Variants in SUMF1 observed in about 807,000 individuals in gnomAD.
SUMF1 encodes formylglycine-generating enzyme.
Under a neutral mutation model 47.6 loss-of-function variants are expected in SUMF1, and 48 were observed. The observed-to-expected ratio is 1.01, with a 90% CI of 0.80 to 1.28. SUMF1 has a LOEUF of 1.28. Ranked by LOEUF, SUMF1 falls within the 50% of genes most tolerant of loss-of-function variation. The pLI is 0.00. For synonymous variants in SUMF1, 230 were observed against 192.1 expected (o/e 1.20, Z -1.63); for missense variants, 571 against 485.4 (o/e 1.18, Z -1.66).
intron 8 of SUMF1, among the ~76,000 whole-genome samples, chr3:4,079,928 A>T (rs772141381): frequency 4.6e-5 from 7 of 151,718 alleles, no homozygotes; most frequent in Non-Finnish European, 1.0e-4. Flanking sequence ...AGGAAACATA[A>T]TAATCTTCTT....
chr3:4,305,288 G>T lies in SUMF1; in HGVS notation c.1014+71042C>A, dbSNP rs148276332. On this transcript the variant is annotated intron_variant and NMD_transcript_variant, in intron 8 of 12. Coordinates refer to the SUMF1 transcript ENST00000448413. ...TTTAGTAGAGACAGGGTTTTACCATGTTGCCCAGGCTGGTCTCAAACTCCT... is the reference window on the plus strand; with the variant it reads ...TTTAGTAGAGACAGGGTTTTACCATTTTGCCCAGGCTGGTCTCAAACTCCT... Among the ~76,000 whole-genome samples, 1,163 of 152,206 alleles carry T rather than the reference G, an allele frequency of 7.6e-3. 18 individuals are homozygous for T. The highest frequency in any genetic ancestry group is 0.026 in the African/African-American group (1,093 of 41,520).
chr3:4,108,056 G>A lies in SUMF1; in HGVS notation c.1015-39311C>T, dbSNP rs138669266. ...ATAGGGGAATAAACTATAGTATATC[G>A]AAGGCTAGAACAGTGTTTTTCAAAC... On this transcript the variant is annotated intron_variant and NMD_transcript_variant, in intron 8 of 12. Coordinates refer to the SUMF1 transcript ENST00000448413. 3.1e-3 allele frequency among the ~76,000 whole-genome samples: 479 copies of A among 152,178 alleles called. 9 individuals are homozygous for A. Among genetic ancestry groups the A allele is most frequent in the Middle Eastern group, 0.014 (4 of 294 alleles).
At chr3:4,102,785 T>G (rs1693065477) in intron 8 of SUMF1, among the ~76,000 whole-genome samples, 1 of 151,758 alleles carries the variant, frequency 6.6e-6, no homozygotes, top group Non-Finnish European at 1.5e-5. Flanking sequence ...TAATGTAGCT[T>G]ACTTGATAGG....
At chr3:4,464,606 G>C (rs2079895439) in intron 1 of SUMF1, among the ~76,000 whole-genome samples, 1 of 152,136 alleles carries the variant, frequency 6.6e-6, no homozygotes, top group African/African-American at 2.4e-5. Context: ...GGGGAAAAAA[G>C]GCAGAAACAC....
intron 8 of SUMF1, among the ~76,000 whole-genome samples, chr3:4,180,970 C>T (rs925088292): frequency 1.3e-5 from 2 of 152,122 alleles, no homozygotes; most frequent in African/African-American, 4.8e-5. Flanking sequence ...CATTTACTAA[C>T]CAAAATAATA....
rs138996759 is a variant in SUMF1, at chr3:4,068,178, G to T, written c.1191+391C>A. Among the ~76,000 whole-genome samples, 1,115 of 152,240 alleles carry T rather than the reference G, an allele frequency of 7.3e-3. 14 individuals carry two copies. Among genetic ancestry groups the T allele is most frequent in the African/African-American group, 0.026 (1,078 of 41,534 alleles). On this transcript the variant is annotated intron_variant and NMD_transcript_variant, in intron 9 of 12. Coordinates refer to the SUMF1 transcript ENST00000448413. ...CTTACATTGATAAGTGAAATCCAAA[G>T]TTCCCTCCTGTGGTCATTAAAATTA...
At chr3:4,223,916 T>C (rs1696119150) in intron 8 of SUMF1, among the ~76,000 whole-genome samples, 1 of 152,166 alleles carries the variant, frequency 6.6e-6, no homozygotes, top group Non-Finnish European at 1.5e-5. Flanking sequence ...CCTTCATTTC[T>C]TCATCTGTTA....
At chr3:4,441,630 T>C (rs1702590293) in intron 3 of SUMF1, among the ~76,000 whole-genome samples, 1 of 152,174 alleles carries the variant, frequency 6.6e-6, no homozygotes, top group Non-Finnish European at 1.5e-5. Flanking sequence ...ACTTAATATC[T>C]ATACCTTTTA....
intron 8 of SUMF1, among the ~76,000 whole-genome samples, chr3:4,150,383 G>A (rs1440873113): frequency 2.0e-5 from 3 of 151,524 alleles, no homozygotes; most frequent in African/African-American, 7.3e-5. Flanking sequence ...GCAACACGGT[G>A]AAATCCCGTC....
At chr3:4,431,016 C>T (rs1702216246) in intron 3 of SUMF1, among the ~76,000 whole-genome samples, 1 of 152,182 alleles carries the variant, frequency 6.6e-6, no homozygotes, top group Admixed American at 6.5e-5. Flanking sequence ...TGATTTTAAC[C>T]TGTACCTAAA....
intron 1 of SUMF1, among the ~76,000 whole-genome samples, chr3:4,465,585 T>A (rs757651423): frequency 1.1e-4 from 16 of 151,492 alleles, no homozygotes; most frequent in Middle Eastern, 3.4e-3. Flanking sequence ...AAAACAGTAA[T>A]CAGGAGTCTT....
chr3:4,136,082 A>G (rs1303434860), intron 8 of SUMF1, among the ~76,000 whole-genome samples: 1 of 152,174 alleles, frequency 6.6e-6, no homozygotes, highest in African/African-American at 2.4e-5. Context: ...TGCCATCCCC[A>G]TCAAGCTACC....
intron 8 of SUMF1, among the ~76,000 whole-genome samples, chr3:4,137,293 T>C (rs1184029822): frequency 1.3e-5 from 2 of 151,994 alleles, no homozygotes; most frequent in Non-Finnish European, 2.9e-5. Flanking sequence ...TCTGCAGCCA[T>C]AAAAAAGGAT....
chr3:4,259,436 T>C (rs76425326), intron 8 of SUMF1, among the ~76,000 whole-genome samples: 7,839 of 152,318 alleles, frequency 0.051, 302 homozygotes, highest in Non-Finnish European at 0.079. Context: ...TAAGATCATA[T>C]GATCATTCAA....
At chr3:4,393,326 CA>C (rs1311297436) in intron 7 of SUMF1, among the ~76,000 whole-genome samples, 1 of 152,044 alleles carries the variant, frequency 6.6e-6, no homozygotes, top group East Asian at 1.9e-4. Context: ...CCTGAACTGA[CA>C]GTTACATTTT....
intron 8 of SUMF1, among the ~76,000 whole-genome samples, chr3:4,272,255 CT>C (rs1697319295): frequency 6.6e-6 from 1 of 152,174 alleles, no homozygotes; most frequent in African/African-American, 2.4e-5. Flanking sequence ...TTAGGAAAAG[CT>C]CGGGATCAAC....
intron 3 of SUMF1, among the ~76,000 whole-genome samples, chr3:4,430,947 A>T (rs1702214221): frequency 6.6e-6 from 1 of 152,190 alleles, no homozygotes. Flanking sequence ...TTTTTTGTTA[A>T]ATAAAATGTA....
In SUMF1 at chr3:4,314,803, T is replaced by C. The variant is rs535211615; in HGVS notation, c.1014+61527A>G. 9.8e-5 allele frequency among the ~76,000 whole-genome samples: 15 copies of C among 152,302 alleles called. No homozygotes were observed. In the East Asian group the frequency reaches 2.1e-3, roughly 22 times the overall value. ...AGTTACTGTGGAGGTTTATCAGACATTTTGAAAGCTAAAATAATTACTAGA... is the reference window on the plus strand; with the variant it reads ...AGTTACTGTGGAGGTTTATCAGACACTTTGAAAGCTAAAATAATTACTAGA... On this transcript the variant is annotated intron_variant and NMD_transcript_variant, in intron 8 of 12. Coordinates refer to the SUMF1 transcript ENST00000448413.
chr3:4,041,631 C>G (rs317579), intron 9 of SUMF1, among the ~76,000 whole-genome samples: 143,303 of 152,266 alleles, frequency 0.94, 68,073 homozygotes, highest in East Asian at 1. Context: ...GGGAAGAAAA[C>G]TTGCCCCCAT....
Sources: gnomAD v4.1 joint callset for allele counts (sites outside exome capture counted in the v4.1 genomes callset) on GRCh38, gnomAD v4.1.1 for gene constraint, MANE v1.5 for transcripts, NCBI Gene and HGNC (gene_info 2026-07-23, HGNC 2026-07-21) for gene names.